PCDHA5: variants seen among roughly 807,000 people sequenced by gnomAD.
The protein encoded by PCDHA5 is protocadherin alpha 5.
PCDHA5 carries 43 observed loss-of-function variants against 61.6 expected under a neutral mutation model. The ratio of observed to expected loss-of-function variants is 0.70; its 90% CI spans 0.55 to 0.90. The LOEUF (loss-of-function observed/expected upper bound fraction) is 0.90. Among genes scored for constraint, PCDHA5 ranks in the 40% least tolerant of loss-of-function variants. The pLI, the probability that PCDHA5 is intolerant of heterozygous loss-of-function variation, is 0.00. For missense variants in PCDHA5, 1,298 were observed against 1,222.7 expected (o/e 1.06, Z -0.92); for synonymous variants, 627 against 543.9 (o/e 1.15, Z -2.13).
intron 1 of PCDHA5, among the ~76,000 whole-genome samples, chr5:140,904,057 G>T (rs1043471579): frequency 6.6e-6 from 1 of 151,986 alleles, no homozygotes; most frequent in Non-Finnish European, 1.5e-5. Context: ...ATTTCAATGG[G>T]TTTTTGGGGA....
intron 1 of PCDHA5, among the ~76,000 whole-genome samples, chr5:140,885,441 A>G (rs568228687): frequency 6.6e-6 from 1 of 152,232 alleles, no homozygotes; most frequent in African/African-American, 2.4e-5. Context: ...GTGTGCAATT[A>G]TATATTATTT....
At chr5:140,880,242 G>A (rs549683370) in intron 1 of PCDHA5, among the ~76,000 whole-genome samples, 22 of 150,572 alleles carry the variant, frequency 1.5e-4, no homozygotes, top group Admixed American at 7.2e-4. Context: ...GTGTATGTGC[G>A]TGTGTGTATG....
chr5:140,869,564 T>A, intron 1 of PCDHA5: 2 of 1,614,176 alleles, frequency 1.2e-6, no homozygotes, highest in South Asian at 2.2e-5. Context: ...CGTTTTCCAC[T>A]AGAGGGAGCT....
intron 1 of PCDHA5, chr5:140,870,778 G>T: frequency 1.2e-6 from 2 of 1,613,620 alleles, no homozygotes; most frequent in South Asian, 1.1e-5. Context: ...GGACGAGAAC[G>T]ACAACGCGCC....
intron 1 of PCDHA5, chr5:140,835,994 G>A: frequency 1.9e-6 from 3 of 1,613,352 alleles, no homozygotes; most frequent in South Asian, 1.1e-5. Context: ...AGGTGAGCGC[G>A]CGCGATGCGG....
intron 1 of PCDHA5, chr5:140,876,550 C>T: frequency 6.2e-7 from 1 of 1,614,186 alleles, no homozygotes; most frequent in Non-Finnish European, 8.5e-7. Context: ...GCTCCCTGTG[C>T]AAGAGGATGC....
chr5:140,989,630 G>C (rs1483532761), intron 3 of PCDHA5, among the ~76,000 whole-genome samples: 4 of 152,228 alleles, frequency 2.6e-5, no homozygotes, highest in Admixed American at 2.6e-4. Context: ...CCTAGTGACA[G>C]CAAGGGTCTT....
At chr5:140,850,454 C>T (rs2150484793) in intron 1 of PCDHA5, 2 of 1,597,838 alleles carry the variant, frequency 1.3e-6, no homozygotes, top group Admixed American at 1.7e-5. Context: ...TGGTGAAAGA[C>T]CACGGGGAGC....
intron 1 of PCDHA5, among the ~76,000 whole-genome samples, chr5:140,971,471 G>A (rs1274091500): frequency 1.3e-5 from 2 of 152,172 alleles, no homozygotes; most frequent in African/African-American, 4.8e-5. Context: ...TATAGGGAGA[G>A]AGTGTCACAT....
chr5:140,927,970 G>A (rs1554205315), intron 1 of PCDHA5: 1 of 1,614,216 alleles, frequency 6.2e-7, no homozygotes, highest in East Asian at 2.2e-5. Context: ...CACAGTGATT[G>A]CTCTCTTTAG....
intron 1 of PCDHA5, chr5:140,927,843 CTT>C (rs1563097902): frequency 4.3e-6 from 7 of 1,614,186 alleles, no homozygotes; most frequent in African/African-American, 2.7e-5. Flanking sequence ...ACGAAGGTGT[CTT>C]TGGTTTAGCT....
chr5:140,957,523 T>G (rs987363578), intron 1 of PCDHA5, among the ~76,000 whole-genome samples: 1 of 152,156 alleles, frequency 6.6e-6, no homozygotes, highest in African/African-American at 2.4e-5. Context: ...TTTCAGACAT[T>G]CAGTGGGGAT....
At chr5:140,877,745 T>C (rs1554170071) in intron 1 of PCDHA5, 3 of 1,614,108 alleles carry the variant, frequency 1.9e-6, no homozygotes, top group Non-Finnish European at 2.5e-6. Context: ...AGGCAGAGGG[T>C]GTGCTCTGCA....
intron 1 of PCDHA5, chr5:140,928,782 T>C (rs2085522837): frequency 6.2e-7 from 1 of 1,614,030 alleles, no homozygotes; most frequent in East Asian, 2.2e-5. Context: ...CTGATGCAGT[T>C]AAGCAGAGGG....
intron 3 of PCDHA5, among the ~76,000 whole-genome samples, chr5:141,006,716 C>T (rs904868679): frequency 2.0e-5 from 3 of 151,786 alleles, no homozygotes; most frequent in Non-Finnish European, 2.9e-5. Flanking sequence ...ATTTAGGAGG[C>T]AGAAATGACA....
intron 1 of PCDHA5, chr5:140,930,393 CTT>C (rs879960332): frequency 4.1e-5 from 6 of 145,282 alleles, no homozygotes; most frequent in Admixed American, 6.9e-5. Flanking sequence ...TTCAAAACTT[CTT>C]TTTTTTTTTT....
chr5:140,974,979 C>T (rs782292099), intron 1 of PCDHA5, among the ~76,000 whole-genome samples: 6 of 152,136 alleles, frequency 3.9e-5, no homozygotes, highest in African/African-American at 7.2e-5. Context: ...CTGAGTTGTC[C>T]GCTCAGGTAT....
chr5:140,903,647 T>A (rs1583499959), intron 1 of PCDHA5, among the ~76,000 whole-genome samples: 1 of 152,228 alleles, frequency 6.6e-6, no homozygotes, highest in East Asian at 1.9e-4. Flanking sequence ...ACCATATACA[T>A]ATATTATAAA....
At chr5:140,833,358 C>G (rs1772420671) in intron 1 of PCDHA5, among the ~76,000 whole-genome samples, 1 of 152,128 alleles carries the variant, frequency 6.6e-6, no homozygotes, top group Non-Finnish European at 1.5e-5. Flanking sequence ...AAAACGAACA[C>G]AGTAAGGTAG....
Sources: allele counts gnomAD v4.1 joint callset (sites outside exome capture counted in the v4.1 genomes callset), GRCh38; gene constraint gnomAD v4.1.1; transcripts MANE v1.5; gene names NCBI Gene and HGNC (gene_info 2026-07-23, HGNC 2026-07-21).